The following NID2 variants were observed in gnomAD, a reference collection of about 807,000 sequenced individuals.
NID2 encodes the protein nidogen 2.
NID2 carries 83 observed loss-of-function variants against 145.4 expected under a neutral mutation model. That is an observed-to-expected ratio of 0.57 (90% CI 0.48 to 0.69). NID2 has a LOEUF of 0.69. Among genes scored for constraint, NID2 ranks in the 30% least tolerant of loss-of-function variants. The pLI is 0.00. For synonymous variants in NID2, 739 were observed against 701.3 expected (o/e 1.05, Z -0.85); for missense variants, 1,807 against 1,765.7 (o/e 1.02, Z -0.42).
At position 52,005,426 on chromosome 14, in the gene NID2, C is replaced by CTGTTCTTTA; in HGVS notation, c.*51_*59dup. Reference sequence around the variant, plus strand: ...TTTACTTTCTTTGCCTTTGCAGTCACTGTTCTTTAGGGTCCAGGTTCTGAT... The same window carrying CTGTTCTTTA: ...TTTACTTTCTTTGCCTTTGCAGTCACTGTTCTTTATGTTCTTTAGGGTCCAGGTTCTGAT... On this transcript the variant is annotated 3_prime_UTR_variant, in exon 22 of 22. Coordinates refer to ENST00000216286, the MANE Select transcript of NID2 (RefSeq NM_007361.4). 6.8e-7 allele frequency: 1 copy of CTGTTCTTTA among 1,474,150 alleles called. No individual in the cohort carries two copies. Among genetic ancestry groups the CTGTTCTTTA allele is most frequent in the South Asian group, 1.5e-5 (1 of 66,036 alleles). The allele number at this position is 1,474,150 out of a possible 1,614,324, so 91.3% of individuals were successfully genotyped here.
intron 17 of NID2, 103 bp from the exon 18 acceptor site, chr14:52,011,150 C>A: frequency 9.1e-7 from 1 of 1,096,932 alleles, no homozygotes; most frequent in Non-Finnish European, 1.3e-6. Flanking sequence ...CAGGGGAAAG[C>A]AAAGCCCAAG....
Position 52,042,286 on chromosome 14 carries a change from G to A in NID2, c.1644C>T (p.His548=). The change falls in exon 7 of 22, where the codon CAC becomes CAT. Residue 548 remains histidine, a synonymous_variant. Coordinates refer to ENST00000216286, the MANE Select transcript of NID2 (RefSeq NM_007361.4). ...ACGCATGCAGGTCCACATCAGTGAA[G>A]TGCACGGGTGTATGGCCCACGTGGA... ...GHLHVGHTPV[H]FTDVDLHAYI... 6.2e-7 allele frequency: 1 copy of A among 1,614,190 alleles called. No individual in the cohort carries two copies. Among genetic ancestry groups the A allele is most frequent in the South Asian group, 1.1e-5 (1 of 91,074 alleles).
At chr14:52,030,497 G>GAA (rs1431631223) in intron 9 of NID2, among the ~76,000 whole-genome samples, 25 of 38,338 alleles carry the variant, frequency 6.5e-4, no homozygotes, top group African/African-American at 2.0e-3. Context: ...AAGAAAGAAA[G>GAA]AAAGAGAAAG....
chr14:52,067,881 G>T lies in NID2; in HGVS notation c.511C>A (p.Arg171Ser). The stretch of plus-strand genomic sequence containing the variant: ...ACCTCTCCCGAGGGCAGCGCCCCGC[G>T]CTTGACCTCCTCGTAAGCGCCTACC... Reference protein sequence around the residue: ...EQVGAYEEVKRGALPSGELNT... With the variant: ...EQVGAYEEVKSGALPSGELNT... The change falls in exon 2 of 22, where the codon CGC (arginine) becomes AGC (serine). Residue 171 changes from arginine (R) to serine (S), a missense_variant. Coordinates refer to ENST00000216286, the MANE Select transcript of NID2 (RefSeq NM_007361.4). 3 of 1,612,338 alleles carry T rather than the reference G, an allele frequency of 1.9e-6. No individual in the cohort carries two copies. Among genetic ancestry groups the T allele is most frequent in the Non-Finnish European group, 1.7e-6 (2 of 1,179,956 alleles).
At chr14:52,068,614 C>T (rs1893309752) in intron 1 of NID2, among the ~76,000 whole-genome samples, 153 bp downstream of exon 1, 1 of 152,242 alleles carries the variant, frequency 6.6e-6, no homozygotes, top group Non-Finnish European at 1.5e-5. Flanking sequence ...GCGGGGCAGG[C>T]AGCGGCATCG....
chr14:52,019,933 A>C (rs1891340955), intron 13 of NID2, 126 bp downstream of exon 13: 2 of 1,366,420 alleles, frequency 1.5e-6, no homozygotes, highest in Non-Finnish European at 2.0e-6. Flanking sequence ...CCAAGGAAAA[A>C]AATCCACAGC....
chr14:52,007,324 G>A (rs1890824244), intron 19 of NID2: 1 of 163,890 alleles, frequency 6.1e-6, no homozygotes, highest in African/African-American at 2.4e-5. Flanking sequence ...ATATTCTTTA[G>A]TATAGAACTA....
intron 12 of NID2, among the ~76,000 whole-genome samples, chr14:52,026,248 T>G (rs755378952): frequency 1.3e-5 from 2 of 152,192 alleles, no homozygotes; most frequent in Non-Finnish European, 2.9e-5. Context: ...GCTATTCGGA[T>G]CTGGTATAAA....
At chr14:52,011,124 T>G (rs1891001677) in intron 17 of NID2, 77 bp from the exon 18 acceptor site, 4 of 1,456,772 alleles carry the variant, frequency 2.7e-6, no homozygotes, top group Admixed American at 3.5e-5. Context: ...AACGGTCGGG[T>G]GGGCAGGGGG....
intron 9 of NID2, among the ~76,000 whole-genome samples, chr14:52,033,372 C>T (rs952089423): frequency 6.6e-6 from 1 of 152,178 alleles, no homozygotes; most frequent in Admixed American, 6.5e-5. Context: ...ATTTTTGGAT[C>T]GTGTTTTATG....
intron 7 of NID2, among the ~76,000 whole-genome samples, chr14:52,041,769 C>T (rs1169390026): frequency 6.6e-6 from 1 of 152,166 alleles, no homozygotes; most frequent in South Asian, 2.1e-4. Context: ...CCCCAAGTAC[C>T]ATTTTTGCAT....
intron 5 of NID2, among the ~76,000 whole-genome samples, chr14:52,050,750 G>C (rs900259920): frequency 2.0e-5 from 3 of 152,168 alleles, no homozygotes; most frequent in African/African-American, 7.2e-5. Flanking sequence ...TAGGACCACA[G>C]GTGAGCACCA....
intron 14 of NID2, among the ~76,000 whole-genome samples, chr14:52,017,812 C>G (rs985501837): frequency 6.6e-6 from 1 of 151,772 alleles, no homozygotes; most frequent in Admixed American, 6.6e-5. Flanking sequence ...ACCGCCAAGA[C>G]CTGACCTTTT....
chr14:52,043,169 A>G (rs10137154), intron 5 of NID2, among the ~76,000 whole-genome samples: 46,938 of 152,064 alleles, frequency 0.31, 7,812 homozygotes, highest in East Asian at 0.53. Flanking sequence ...CTAAGATGAG[A>G]CTGCACCCGT....
intron 9 of NID2, among the ~76,000 whole-genome samples, chr14:52,031,224 T>G (rs1421044684): frequency 6.6e-6 from 1 of 152,216 alleles, no homozygotes; most frequent in Non-Finnish European, 1.5e-5. Context: ...GGCACTTCTG[T>G]GTACTTCTGA....
intron 14 of NID2, among the ~76,000 whole-genome samples, chr14:52,016,121 TG>T (rs1180769993): frequency 6.6e-6 from 1 of 152,198 alleles, no homozygotes; most frequent in Non-Finnish European, 1.5e-5. Context: ...CTGCTGGCTT[TG>T]GTTGCAAAGC....
At chr14:52,064,469 C>T (rs575928304) in intron 2 of NID2, among the ~76,000 whole-genome samples, 14 of 152,284 alleles carry the variant, frequency 9.2e-5, no homozygotes, top group Non-Finnish European at 1.9e-4. Flanking sequence ...CTCAATTCCT[C>T]TTCTTATAAA....
chr14:52,065,570 T>C (rs1473012650), intron 2 of NID2, among the ~76,000 whole-genome samples: 1 of 132,876 alleles, frequency 7.5e-6, no homozygotes, highest in Non-Finnish European at 1.6e-5. Flanking sequence ...TAGTTACATA[T>C]GTATACATGT....
chr14:52,014,159 TG>T, intron 16 of NID2, 127 bp downstream of exon 16: 2 of 1,215,958 alleles, frequency 1.6e-6, no homozygotes, highest in Non-Finnish European at 2.4e-6. Context: ...CCCATGCCGA[TG>T]GGCTGCAGCT....
Sources: allele counts gnomAD v4.1 joint callset (sites outside exome capture counted in the v4.1 genomes callset), GRCh38; gene constraint gnomAD v4.1.1; transcripts MANE v1.5; gene names NCBI Gene and HGNC (gene_info 2026-07-23, HGNC 2026-07-21).